Variants in PRKG1 observed in about 807,000 individuals in gnomAD.
The protein encoded by PRKG1 is protein kinase cGMP-dependent 1, also known as cGMP-dependent protein kinase 1.
PRKG1 carries 35 observed loss-of-function variants against 88.1 expected under a neutral mutation model. The ratio of observed to expected loss-of-function variants is 0.40; its 90% CI spans 0.30 to 0.53. PRKG1 has a LOEUF of 0.53. PRKG1 is among the 20% of genes least tolerant of loss of function. PRKG1 has a pLI of 0.59. For missense variants in PRKG1, 540 were observed against 839.8 expected (o/e 0.64, Z 4.41); for synonymous variants, 303 against 292.5 (o/e 1.04, Z -0.37).
At chr10:51,110,187 G>A (rs1363428338) in intron 1 of PRKG1, among the ~76,000 whole-genome samples, 2 of 151,948 alleles carry the variant, frequency 1.3e-5, no homozygotes, top group South Asian at 2.1e-4. Context: ...GAGATCCACC[G>A]ATTCCACCCC....
intron 7 of PRKG1, among the ~76,000 whole-genome samples, chr10:52,124,831 G>A (rs1847895128): frequency 1.3e-5 from 2 of 151,788 alleles, no homozygotes; most frequent in Non-Finnish European, 2.9e-5. Context: ...TGTTAAAAAT[G>A]AAGACACAAA....
intron 1 of PRKG1, among the ~76,000 whole-genome samples, chr10:51,018,800 C>T (rs939856633): frequency 2.0e-5 from 3 of 152,124 alleles, no homozygotes; most frequent in African/African-American, 7.2e-5. Context: ...CACATTGACT[C>T]GATACGAGTA....
At chr10:51,209,332 T>C (rs1387746524) in intron 2 of PRKG1, among the ~76,000 whole-genome samples, 2 of 152,150 alleles carry the variant, frequency 1.3e-5, no homozygotes, top group African/African-American at 4.8e-5. Flanking sequence ...GTAATTCCTG[T>C]CCCCAGGCAT....
intron 5 of PRKG1, among the ~76,000 whole-genome samples, chr10:51,984,761 T>C (rs1042710867): frequency 6.6e-6 from 1 of 152,202 alleles, no homozygotes; most frequent in African/African-American, 2.4e-5. Context: ...TGAATGCTGC[T>C]TGAGTTTTTT....
At chr10:51,463,726 C>T (rs571087501) in intron 2 of PRKG1, among the ~76,000 whole-genome samples, 1 of 152,244 alleles carries the variant, frequency 6.6e-6, no homozygotes, top group African/African-American at 2.4e-5. Flanking sequence ...GGGTGAGAGG[C>T]CTAGTAAATT....
Position 52,024,316 on chromosome 10 carries a change from AC to A in PRKG1, c.763-30167del, listed in dbSNP as rs111596051. ...ATTTATTCATTTATTTATTTATTTAACTTTTTTTTTTATTCTTTTTTTTATT... is the reference window on the plus strand; with the variant it reads ...ATTTATTCATTTATTTATTTATTTAATTTTTTTTTTATTCTTTTTTTTATT... On this transcript the variant is annotated intron_variant, in intron 5 of 17. Transcript: ENST00000373980. Among the ~76,000 whole-genome samples the A allele has an allele frequency of 4.4e-3, 577 of 131,564 alleles. 3 individuals carry two copies. The highest frequency in any genetic ancestry group is 0.011 in the African/African-American group (367 of 32,146). The allele number at this position is 131,564 out of a possible 152,430, so 86.3% of individuals were successfully genotyped here.
intron 5 of PRKG1, among the ~76,000 whole-genome samples, chr10:51,972,079 A>G (rs1163908748): frequency 1.3e-5 from 2 of 152,194 alleles, no homozygotes; most frequent in African/African-American, 4.8e-5. Context: ...CCCTCCCTCC[A>G]AGTACAATTC....
intron 3 of PRKG1, chr10:51,698,548 T>C: frequency 6.2e-7 from 1 of 1,614,114 alleles, no homozygotes; most frequent in Non-Finnish European, 8.5e-7. Flanking sequence ...GTGGGTCATT[T>C]GGAGCATCTC....
chr10:51,133,430 T>A (rs1020518552), intron 1 of PRKG1, among the ~76,000 whole-genome samples: 1 of 152,190 alleles, frequency 6.6e-6, no homozygotes, highest in Non-Finnish European at 1.5e-5. Flanking sequence ...CTATGTATTG[T>A]AGTGCAATCC....
chr10:52,215,869 A>C (rs575448780), intron 9 of PRKG1, among the ~76,000 whole-genome samples: 1 of 152,340 alleles, frequency 6.6e-6, no homozygotes, highest in East Asian at 1.9e-4. Flanking sequence ...TCTTAAGCAT[A>C]GATTATGTTT....
intron 2 of PRKG1, among the ~76,000 whole-genome samples, chr10:51,458,091 A>G (rs773750709): frequency 6.6e-6 from 1 of 152,204 alleles, no homozygotes; most frequent in Non-Finnish European, 1.5e-5. Flanking sequence ...ATGTGCAGGT[A>G]GATAAGTGCT....
chr10:51,392,589 C>G (rs1470743314), intron 2 of PRKG1, among the ~76,000 whole-genome samples: 1 of 151,722 alleles, frequency 6.6e-6, no homozygotes, highest in Non-Finnish European at 1.5e-5. Context: ...CCTTTCCCCC[C>G]TTTCTATTCC....
intron 17 of PRKG1, among the ~76,000 whole-genome samples, chr10:52,292,125 T>C (rs891527958): frequency 5.5e-4 from 84 of 152,220 alleles, no homozygotes; most frequent in Admixed American, 9.8e-4. Flanking sequence ...TTTTTTCTTG[T>C]AAATTTGTTT....
intron 2 of PRKG1, among the ~76,000 whole-genome samples, chr10:51,449,943 A>C (rs927909841): frequency 1.3e-5 from 2 of 151,952 alleles, no homozygotes; most frequent in African/African-American, 4.8e-5. Context: ...CGAATCAGTG[A>C]ATAAACTAAA....
At chr10:51,762,648 A>G (rs1450317679) in intron 3 of PRKG1, among the ~76,000 whole-genome samples, 1 of 152,210 alleles carries the variant, frequency 6.6e-6, no homozygotes, top group Non-Finnish European at 1.5e-5. Context: ...TCCATTATCT[A>G]ATTCCTTATC....
chr10:51,424,321 A>G (rs1564489016), intron 2 of PRKG1, among the ~76,000 whole-genome samples: 1 of 152,060 alleles, frequency 6.6e-6, no homozygotes, highest in Non-Finnish European at 1.5e-5. Context: ...TATATTTCAT[A>G]AATTTTATCT....
chr10:51,735,778 C>G (rs1466869919), intron 3 of PRKG1, among the ~76,000 whole-genome samples: 1 of 150,150 alleles, frequency 6.7e-6, no homozygotes, highest in Admixed American at 6.7e-5. Context: ...GTGTTTGGTA[C>G]AGAGGCAATT....
intron 3 of PRKG1, among the ~76,000 whole-genome samples, chr10:51,660,169 T>A (rs1376504705): frequency 1.4e-5 from 2 of 146,652 alleles, no homozygotes; most frequent in Admixed American, 6.9e-5. Context: ...GTTTCTGGGA[T>A]CAAGAAGACA....
At chr10:51,511,647 C>T (rs1371120829) in intron 3 of PRKG1, among the ~76,000 whole-genome samples, 1 of 152,148 alleles carries the variant, frequency 6.6e-6, no homozygotes, top group African/African-American at 2.4e-5. Flanking sequence ...ATATCAGTAA[C>T]ACTACAATGG....
Sources: gnomAD v4.1 joint callset for allele counts (sites outside exome capture counted in the v4.1 genomes callset) on GRCh38, gnomAD v4.1.1 for gene constraint, MANE v1.5 for transcripts, NCBI Gene and HGNC (gene_info 2026-07-23, HGNC 2026-07-21) for gene names.